HOXC4: variants seen among roughly 807,000 people sequenced by gnomAD.
HOXC4 encodes the protein homeobox C4, also known as homeobox protein Hox-C4.
Under a neutral mutation model 25.5 loss-of-function variants are expected in HOXC4, and 15 were observed. That is an observed-to-expected ratio of 0.59 (90% CI 0.39 to 0.91). The LOEUF is 0.91. Among genes scored for constraint, HOXC4 ranks in the 40% least tolerant of loss-of-function variants. The pLI is 0.00. For missense variants in HOXC4, 342 were observed against 352.4 expected, an observed-to-expected ratio of 0.97 and a Z score of 0.24; for synonymous variants, 165 against 148.0, an observed-to-expected ratio of 1.11 and a Z score of -0.83.
intron 1 of HOXC4, chr12:54,028,489 G>A: frequency 6.3e-7 from 1 of 1,592,372 alleles, no homozygotes; most frequent in East Asian, 2.2e-5. Context: ...AAATATTAAA[G>A]AAATCATAGA....
chr12:54,036,987 C>A (rs569726021), intron 1 of HOXC4, among the ~76,000 whole-genome samples: 1 of 152,316 alleles, frequency 6.6e-6, no homozygotes, highest in East Asian at 1.9e-4. Flanking sequence ...CCAGCCCCAC[C>A]GTGCACTGAC....
At position 54,054,238 on chromosome 12, in the gene HOXC4, G is replaced by T; in HGVS notation, c.316G>T (p.Ala106Ser). 1 of 1,610,584 alleles carries T rather than the reference G, an allele frequency of 6.2e-7. No individual in the cohort carries two copies. Among genetic ancestry groups the T allele is most frequent in the Non-Finnish European group, 8.5e-7 (1 of 1,178,638 alleles). ...CTGCGAGCCGGCGCCTCTCTCAGGC[G>T]CCTCCGCCTCCCCGTCCCCAGCCCC... Reference protein sequence around the residue: ...SLCEPAPLSGASASPSPAPPA... With the variant: ...SLCEPAPLSGSSASPSPAPPA... Residue 106 changes from alanine (A) to serine (S), a missense_variant, in exon 1 of 2, where the codon GCC becomes TCC. By Grantham distance (99) the Ala-to-Ser change is moderately conservative. Coordinates refer to ENST00000430889, the MANE Select transcript of HOXC4 (RefSeq NM_153633.3).
At chr12:54,050,707 C>A (rs969487237), upstream of HOXC4, among the ~76,000 whole-genome samples, 8 of 152,206 alleles carry the variant, frequency 5.3e-5, no homozygotes, top group South Asian at 1.7e-3. Context: ...GCTATAGGAG[C>A]CCAAAGAGAG....
chr12:54,019,100 C>T (rs946508621), intron 1 of HOXC4, among the ~76,000 whole-genome samples: 1 of 139,172 alleles, frequency 7.2e-6, no homozygotes, highest in Non-Finnish European at 1.5e-5. Flanking sequence ...CCGCTAAATT[C>T]CCCTTTCGCA....
rs1322951040 is a variant in HOXC4 at position 54,054,006 on chromosome 12, C to T, written c.84C>T (p.Tyr28=). 3 of 1,614,206 alleles carry T rather than the reference C, an allele frequency of 1.9e-6. No homozygotes were observed. Among genetic ancestry groups the T allele is most frequent in the Non-Finnish European group, 2.5e-6 (3 of 1,180,004 alleles). The change falls in exon 1 of 2, where the codon TAC becomes TAT. Residue 28 remains tyrosine (Y), a synonymous_variant. Coordinates refer to ENST00000430889, the MANE Select transcript of HOXC4 (RefSeq NM_153633.3). ...GCGAAGAATATTCGCAAAATAGCTA[C>T]ATCCCTGAACACAGTCCGGAATATT... The part of the protein sequence containing the change: ...PPCEEYSQNS[Y]IPEHSPEYYG...
At chr12:54,029,713 C>A in intron 1 of HOXC4, 2 of 1,614,184 alleles carry the variant, frequency 1.2e-6, no homozygotes, top group Non-Finnish European at 1.7e-6. Context: ...GGTACCAGAC[C>A]CTGGAACTGG....
At chr12:54,054,782 G>A in intron 1 of HOXC4, 68 bp from the exon 2 acceptor site, 1 of 1,004,740 alleles carries the variant, frequency 1.0e-6, no homozygotes, top group Non-Finnish European at 1.5e-6. Context: ...GCTGAGGATG[G>A]GGTGAGGGTG....
In HOXC4 at chr12:54,055,378, A is replaced by C; in HGVS notation, c.*173A>C. The C allele has an allele frequency of 9.1e-6, 2 of 219,596 alleles. No individual in the cohort carries two copies. Among genetic ancestry groups the C allele is most frequent in the East Asian group, 9.2e-5 (1 of 10,926 alleles). The allele number at this position is 219,596 out of a possible 1,614,324, so 13.6% of individuals were successfully genotyped here. ...TCCAAACAGACAAAACAGATAAACAAACAAGCCCCCTGCCCTCCTCTCCCT... is the reference window on the plus strand; with the variant it reads ...TCCAAACAGACAAAACAGATAAACACACAAGCCCCCTGCCCTCCTCTCCCT... On this transcript the variant is annotated 3_prime_UTR_variant, in exon 2 of 2. Transcript: ENST00000430889.
In HOXC4 at chr12:54,054,123, T is replaced by G; in HGVS notation, c.201T>G (p.Tyr67Ter). 1 of 1,613,996 alleles carries G rather than the reference T, an allele frequency of 6.2e-7. No homozygotes were observed. Among genetic ancestry groups the G allele is most frequent in the Non-Finnish European group, 8.5e-7 (1 of 1,179,990 alleles). ...GCCCTAGCTACCCTGAGCGCCAGTA[T>G]AGCTGCACCAGTCTCCAGGGGCCCG... ...PPRPSYPERQ[Y>*]SCTSLQGPGN... Residue 67 changes from tyrosine (Y) to a stop codon, truncating the protein, a stop_gained, in exon 1 of 2, where the codon TAT becomes TAG. Coordinates refer to ENST00000430889, the MANE Select transcript of HOXC4 (RefSeq NM_153633.3). LOFTEE classifies it high-confidence loss of function.
rs1937950537 is a variant in HOXC4 at position 54,055,264 on chromosome 12, T to A, written c.*59T>A. On this transcript the variant is annotated 3_prime_UTR_variant, in exon 2 of 2. Coordinates refer to ENST00000430889, the MANE Select transcript of HOXC4 (RefSeq NM_153633.3). ...CCCCACCCTCCCCTCACACACAAAT[T>A]GACTCTTATTTATAGAATTTAATAT... is the stretch of plus-strand genomic sequence containing the variant. 3 of 526,376 alleles carry A rather than the reference T, an allele frequency of 5.7e-6. No individual in the cohort carries two copies. Among genetic ancestry groups the A allele is most frequent in the Non-Finnish European group, 9.0e-6 (3 of 334,000 alleles). 32.6% of individuals were successfully genotyped at this position (526,376 alleles called of 1,614,324 possible). A position where few individuals can be genotyped will look rare whatever the true frequency, so the allele number is the denominator to read the frequency against.
At chr12:54,034,620 C>G (rs1941133082) in intron 1 of HOXC4, 1 of 749,078 alleles carries the variant, frequency 1.3e-6, no homozygotes, top group African/African-American at 1.8e-5. Context: ...CCGGGCCCCA[C>G]AGACAAAAGC....
chr12:54,022,877 A>G (rs1454433159), intron 1 of HOXC4, among the ~76,000 whole-genome samples: 1 of 152,220 alleles, frequency 6.6e-6, no homozygotes, highest in East Asian at 1.9e-4. Flanking sequence ...GGAGGGGTAT[A>G]GAAGAAGCCA....
chr12:54,036,659 G>T (rs1318656411), intron 1 of HOXC4, among the ~76,000 whole-genome samples: 2 of 150,952 alleles, frequency 1.3e-5, no homozygotes, highest in African/African-American at 2.5e-5. Context: ...GCACACAGCA[G>T]TTAACCCAGA....
chr12:54,043,869 CT>C (rs140713241), intron 1 of HOXC4, among the ~76,000 whole-genome samples: 2,304 of 151,148 alleles, frequency 0.015, 60 homozygotes, highest in African/African-American at 0.053. Flanking sequence ...TAAATCTTGT[CT>C]AGTAAATACT....
chr12:54,045,061 C>T (rs1032287619), intron 1 of HOXC4, among the ~76,000 whole-genome samples: 1 of 152,216 alleles, frequency 6.6e-6, no homozygotes, highest in African/African-American at 2.4e-5. Context: ...GCCCTCTTAG[C>T]ACTTGCGAAG....
intron 1 of HOXC4, chr12:54,033,612 C>G (rs1027941572): frequency 3.4e-6 from 5 of 1,485,848 alleles, no homozygotes; most frequent in Admixed American, 4.4e-5. Context: ...CTCTCGGGTC[C>G]GCCTGGGTTT....
At chr12:54,026,867 C>G (rs1940725948) in intron 1 of HOXC4, among the ~76,000 whole-genome samples, 1 of 152,072 alleles carries the variant, frequency 6.6e-6, no homozygotes. Flanking sequence ...ATTGATTACT[C>G]CGCTTTGTTA....
chr12:54,053,863 G>C lies in HOXC4; in HGVS notation c.-60G>C. On this transcript the variant is annotated 5_prime_UTR_variant, in exon 1 of 2. Coordinates refer to ENST00000430889, the MANE Select transcript of HOXC4 (RefSeq NM_153633.3). Reference sequence around the variant, plus strand: ...TTTACAGGGTCGCTAGCTAGTAGGAGGGCTTTATGGAGCAGAAAAACGACA... The same window carrying C: ...TTTACAGGGTCGCTAGCTAGTAGGACGGCTTTATGGAGCAGAAAAACGACA... 1 of 1,365,612 alleles carries C rather than the reference G, an allele frequency of 7.3e-7. No individual in the cohort carries two copies. Among genetic ancestry groups the C allele is most frequent in the Non-Finnish European group, 1.0e-6 (1 of 973,286 alleles). The allele number at this position is 1,365,612 out of a possible 1,614,324, so 84.6% of individuals were successfully genotyped here.
In HOXC4 at chr12:54,041,977, CT is replaced by C. The variant is rs796328359; in HGVS notation, c.-123-11165del. On this transcript the variant is annotated intron_variant, in intron 1 of 3. Coordinates refer to the HOXC4 transcript ENST00000303406. ...CGCGCCCAGCCTTTTCTTTTCTTTT[CT>C]TTTTTTTTTTTTTTTTTGAGATGGA... Among the ~76,000 whole-genome samples, 829 of 116,686 alleles carry C rather than the reference CT, an allele frequency of 7.1e-3. 4 individuals are homozygous for C. Among genetic ancestry groups the C allele is most frequent in the African/African-American group, 0.011 (346 of 31,120 alleles). 76.6% of individuals were successfully genotyped at this position (116,686 alleles called of 152,430 possible). A position where few individuals can be genotyped will look rare whatever the true frequency, so the allele number is the denominator to read the frequency against.
Sources: allele counts gnomAD v4.1 joint callset (sites outside exome capture counted in the v4.1 genomes callset), GRCh38; gene constraint gnomAD v4.1.1; transcripts MANE v1.5; gene names NCBI Gene and HGNC (gene_info 2026-07-23, HGNC 2026-07-21).